DCN: variants seen among roughly 807,000 people sequenced by gnomAD.
DCN encodes the protein decorin.
A neutral mutation model predicts 36.5 loss-of-function variants in DCN; 17 were observed. The observed-to-expected ratio is 0.47, with a 90% CI of 0.32 to 0.70. The LOEUF is 0.70. DCN is among the 30% of genes least tolerant of loss of function. The probability of loss-of-function intolerance (pLI) is 0.04; values close to 1 mark genes in which losing one functional copy is unlikely to be tolerated. For synonymous variants in DCN, 163 were observed against 161.4 expected (o/e 1.01, Z -0.07); for missense variants, 389 against 430.1 (o/e 0.90, Z 0.84).
intron 1 of DCN, among the ~76,000 whole-genome samples, chr12:91,181,902 GA>G (rs150441938): frequency 2.1e-4 from 31 of 146,922 alleles, no homozygotes; most frequent in African/African-American, 4.4e-4. Flanking sequence ...ACAGCAACAG[GA>G]AAAAAAAAAG....
rs781117647 is a variant in DCN, at chr12:91,173,114, A to AT, written c.211+5227dup. Among the ~76,000 whole-genome samples the AT allele has an allele frequency of 6.4e-3, 955 of 149,430 alleles. 5 individuals are homozygous for AT. Among genetic ancestry groups the AT allele is most frequent in the African/African-American group, 0.01 (416 of 40,830 alleles). ...TTTATTAAGACTGAATTGCAGACTCATTTTTTTTTTAATTTTTGAGGAACT... is the reference window on the plus strand; with the variant it reads ...TTTATTAAGACTGAATTGCAGACTCATTTTTTTTTTTAATTTTTGAGGAACT... On this transcript the variant is annotated intron_variant, in intron 2 of 7. Transcript: ENST00000052754.
intron 7 of DCN, among the ~76,000 whole-genome samples, chr12:91,146,538 G>A (rs565040407): frequency 5.9e-5 from 9 of 151,692 alleles, no homozygotes; most frequent in Admixed American, 5.2e-4. Flanking sequence ...GTTTTTAGTA[G>A]AGTTGGGTTT....
intron 3 of DCN, 123 bp downstream of exon 3, chr12:91,164,482 G>A: frequency 5.0e-6 from 2 of 401,730 alleles, no homozygotes; most frequent in Non-Finnish European, 4.4e-6. Context: ...AAAAAAAGGT[G>A]AAGTTAATAA....
At position 91,144,529 on chromosome 12, in the gene DCN, T is replaced by A. The variant is rs553752727; in HGVS notation, c.*1529A>T. 6.6e-6 allele frequency: 1 copy of A among 152,294 alleles called. No individual in the cohort carries two copies. Among genetic ancestry groups the A allele is most frequent in the South Asian group, 2.1e-4 (1 of 4,814 alleles). The allele number at this position is 152,294 out of a possible 1,614,324, so 9.4% of individuals were successfully genotyped here. A position where few individuals can be genotyped will look rare whatever the true frequency, so the allele number is the denominator to read the frequency against. On this transcript the variant is annotated 3_prime_UTR_variant, in exon 8 of 8. Coordinates refer to ENST00000052754, the MANE Select transcript of DCN (RefSeq NM_001920.5). ...TTCAGATTTTATGGTCCTGCAAGAA[T>A]GTGGAAAGATGGAAAAGAGTAACTT...
At chr12:91,171,662 A>C (rs978223674) in intron 2 of DCN, among the ~76,000 whole-genome samples, 1 of 152,214 alleles carries the variant, frequency 6.6e-6, no homozygotes, top group Non-Finnish European at 1.5e-5. Context: ...CAGAGGATAC[A>C]ACAGCCAAGC....
intron 5 of DCN, 98 bp downstream of exon 5, chr12:91,156,977 C>T (rs976013207): frequency 9.7e-6 from 8 of 823,914 alleles, no homozygotes; most frequent in Non-Finnish European, 1.6e-5. Flanking sequence ...TAAGGTTGGC[C>T]TCTTAGGTGA....
At position 91,146,304 on chromosome 12, in the gene DCN, C is replaced by T. The variant is rs183258497; in HGVS notation, c.886-52G>A. 2.1e-4 allele frequency: 212 copies of T among 1,009,022 alleles called. No homozygotes were observed. The African/African-American group carries it at 3.2e-3, about 15-fold the overall frequency. 62.5% of individuals were successfully genotyped at this position (1,009,022 alleles called of 1,614,324 possible). ...TTATTATTCTCTAAATATGTTGAGG[C>T]CCTTCAGGTAAACATTTTATTTTTT... On this transcript the variant is annotated intron_variant, in intron 7 of 7. Coordinates refer to ENST00000052754, the MANE Select transcript of DCN (RefSeq NM_001920.5).
At chr12:91,167,644 G>A (rs1287783967) in intron 2 of DCN, among the ~76,000 whole-genome samples, 5 of 151,956 alleles carry the variant, frequency 3.3e-5, no homozygotes, top group African/African-American at 4.8e-5. Flanking sequence ...AAATTAACTC[G>A]TTCAACATTC....
chr12:91,164,977 G>A (rs1392988994), intron 2 of DCN, among the ~76,000 whole-genome samples: 2 of 152,128 alleles, frequency 1.3e-5, no homozygotes, highest in Non-Finnish European at 2.9e-5. Flanking sequence ...TGCATTAGGG[G>A]AACATTTGTG....
At position 91,145,970 on chromosome 12, in the gene DCN, G is replaced by T. The variant is rs1475965373; in HGVS notation, c.*88C>A. ...GGGTAAAACATCCACATTGCAGTTA[G>T]GTTTCCAGTATCTAGCTTTTATTTA... On this transcript the variant is annotated 3_prime_UTR_variant, in exon 8 of 8. Coordinates refer to ENST00000052754, the MANE Select transcript of DCN (RefSeq NM_001920.5). 2.6e-6 allele frequency: 3 copies of T among 1,153,900 alleles called. No homozygotes were observed. Among genetic ancestry groups the T allele is most frequent in the African/African-American group, 1.5e-5 (1 of 65,578 alleles). 71.5% of individuals were successfully genotyped at this position (1,153,900 alleles called of 1,614,324 possible).
At chr12:91,153,518 A>C (rs2121185949) in intron 5 of DCN, among the ~76,000 whole-genome samples, 1 of 152,196 alleles carries the variant, frequency 6.6e-6, no homozygotes, top group African/African-American at 2.4e-5. Context: ...ATGGGCTAAA[A>C]CTGACGTTGA....
intron 2 of DCN, among the ~76,000 whole-genome samples, chr12:91,173,679 CATAAATG>C (rs1045003792): frequency 4.6e-5 from 7 of 152,180 alleles, no homozygotes; most frequent in Non-Finnish European, 8.8e-5. Context: ...CAGAGCCAGA[CATAAATG>C]ATAAAGGCAA....
At chr12:91,177,459 T>C in intron 2 of DCN, 1 of 643,428 alleles carries the variant, frequency 1.6e-6, no homozygotes, top group East Asian at 2.7e-5. Context: ...AAGATTTTTT[T>C]TTCTTTTCAT....
At chr12:91,182,302 A>T (rs1868434794) in intron 1 of DCN, among the ~76,000 whole-genome samples, 1 of 152,088 alleles carries the variant, frequency 6.6e-6, no homozygotes, top group Non-Finnish European at 1.5e-5. Context: ...TCAATTACAG[A>T]TATGCTACTT....
intron 7 of DCN, 109 bp downstream of exon 7, chr12:91,151,545 T>C (rs1337634216): frequency 7.9e-7 from 1 of 1,268,780 alleles, no homozygotes; most frequent in Non-Finnish European, 1.1e-6. Flanking sequence ...ACTAAGACAC[T>C]CTGGAAAAAA....
chr12:91,159,480 C>A (rs1055442119), intron 3 of DCN, among the ~76,000 whole-genome samples: 4 of 151,522 alleles, frequency 2.6e-5, no homozygotes, highest in Non-Finnish European at 5.9e-5. Flanking sequence ...GCTTGATCAC[C>A]AATACTTCTC....
At position 91,148,218 on chromosome 12, in the gene DCN, C is replaced by G. The variant is rs3138281; in HGVS notation, c.886-1966G>C. Among the ~76,000 whole-genome samples, 1,400 of 151,974 alleles carry G rather than the reference C, an allele frequency of 9.2e-3. 25 individuals carry two copies. Among genetic ancestry groups the G allele is most frequent in the African/African-American group, 0.032 (1,341 of 41,460 alleles). On this transcript the variant is annotated intron_variant, in intron 7 of 7. Coordinates refer to ENST00000052754, the MANE Select transcript of DCN (RefSeq NM_001920.5). ...CCTCCCGAGTAGCTGGGACTACAGG[C>G]GCCCACCACCACGCCCGGCTAATTT...
chr12:91,148,223 A>G (rs970264998), intron 7 of DCN, among the ~76,000 whole-genome samples: 9 of 151,570 alleles, frequency 5.9e-5, no homozygotes, highest in East Asian at 2.0e-4. Flanking sequence ...ACAGGCGCCC[A>G]CCACCACGCC....
intron 2 of DCN, among the ~76,000 whole-genome samples, chr12:91,167,150 C>T (rs961905508): frequency 6.6e-6 from 1 of 152,052 alleles, no homozygotes; most frequent in South Asian, 2.1e-4. Flanking sequence ...CTATCTGTAT[C>T]CCCTGAAATA....
Sources: allele counts gnomAD v4.1 joint callset (sites outside exome capture counted in the v4.1 genomes callset), GRCh38; gene constraint gnomAD v4.1.1; transcripts MANE v1.5; gene names NCBI Gene and HGNC (gene_info 2026-07-23, HGNC 2026-07-21).